Variants in CORIN observed in about 807,000 individuals in gnomAD.
CORIN encodes the protein atrial natriuretic peptide-converting enzyme.
In CORIN, 117 loss-of-function variants were observed where a neutral mutation model predicts 125.3. The observed-to-expected ratio is 0.93, with a 90% CI of 0.80 to 1.09. The LOEUF (loss-of-function observed/expected upper bound fraction) is 1.09. Among genes scored for constraint, CORIN ranks in the 50% least tolerant of loss-of-function variants. The pLI, the probability that CORIN is intolerant of heterozygous loss-of-function variation, is 0.00. For synonymous variants in CORIN, 450 were observed against 466.4 expected, an observed-to-expected ratio of 0.96 and a Z score of 0.45; for missense variants, 1,253 against 1,306.7, an observed-to-expected ratio of 0.96 and a Z score of 0.63.
chr4:47,622,119 G>A (rs1285111821), intron 19 of CORIN, among the ~76,000 whole-genome samples: 39 of 146,836 alleles, frequency 2.7e-4, no homozygotes, highest in Non-Finnish European at 5.1e-4. Flanking sequence ...TTGTTCTTGC[G>A]ATAGTTTACT....
At chr4:47,786,123 A>G (rs1366502825) in intron 3 of CORIN, among the ~76,000 whole-genome samples, 1 of 152,194 alleles carries the variant, frequency 6.6e-6, no homozygotes, top group East Asian at 1.9e-4. Flanking sequence ...CAATGCCACT[A>G]TACTGGGGCA....
At chr4:47,655,666 A>G (rs1723941195) in intron 12 of CORIN, among the ~76,000 whole-genome samples, 2 of 152,234 alleles carry the variant, frequency 1.3e-5, no homozygotes, top group South Asian at 4.1e-4. Context: ...TACTGCAGAA[A>G]TTCAAAGGAT....
intron 3 of CORIN, among the ~76,000 whole-genome samples, chr4:47,783,837 C>T (rs1348829185): frequency 6.6e-6 from 1 of 151,964 alleles, no homozygotes; most frequent in Non-Finnish European, 1.5e-5. Flanking sequence ...ATTCATTCAG[C>T]TAATATTTTA....
intron 5 of CORIN, among the ~76,000 whole-genome samples, chr4:47,694,634 G>C (rs1378637410): frequency 2.0e-5 from 3 of 152,092 alleles, no homozygotes; most frequent in Non-Finnish European, 2.9e-5. Context: ...ATAGAGAAAA[G>C]TACAGGCTGA....
At position 47,714,310 on chromosome 4, in the gene CORIN, G is replaced by A. The variant is rs17654393; in HGVS notation, c.800-21227C>T. Among the ~76,000 whole-genome samples the A allele has an allele frequency of 1.1e-4, 17 of 152,030 alleles. No individual in the cohort carries two copies. The East Asian group carries it at 1.2e-3, about 10-fold the overall frequency. ...TACTCACAAGTGATTAACACAAACC[G>A]AAAATTTAATCTGTAAGAAAAAAAA... On this transcript the variant is annotated intron_variant, in intron 5 of 21. Coordinates refer to ENST00000273857, the MANE Select transcript of CORIN (RefSeq NM_006587.4).
intron 15 of CORIN, chr4:47,642,692 G>A (rs1723283618): frequency 1.8e-6 from 1 of 554,420 alleles, no homozygotes; most frequent in South Asian, 3.0e-5. Flanking sequence ...TGGAGGTGCT[G>A]GTAGGAGATG....
intron 16 of CORIN, among the ~76,000 whole-genome samples, chr4:47,633,643 CT>C (rs1029809855): frequency 6.6e-6 from 1 of 151,866 alleles, no homozygotes; most frequent in South Asian, 2.1e-4. Flanking sequence ...TGGGACAACA[CT>C]TTTTTTTGAG....
intron 3 of CORIN, among the ~76,000 whole-genome samples, chr4:47,766,221 G>A (rs971674066): frequency 6.6e-6 from 1 of 152,158 alleles, no homozygotes; most frequent in Non-Finnish European, 1.5e-5. Flanking sequence ...ATATAACATT[G>A]CTTTAAGCAG....
intron 6 of CORIN, among the ~76,000 whole-genome samples, chr4:47,689,888 A>G (rs1725692156): frequency 6.6e-6 from 1 of 152,198 alleles, no homozygotes; most frequent in Admixed American, 6.5e-5. Flanking sequence ...GCCAGCATGC[A>G]GCCATCCATG....
chr4:47,690,500 AAT>A (rs1183828625), intron 6 of CORIN, among the ~76,000 whole-genome samples: 1 of 152,204 alleles, frequency 6.6e-6, no homozygotes. Context: ...AAAGGAAATT[AAT>A]AACTCAATGA....
At chr4:47,609,992 T>C (rs1385545992) in intron 19 of CORIN, among the ~76,000 whole-genome samples, 2 of 152,254 alleles carry the variant, frequency 1.3e-5, no homozygotes, top group African/African-American at 2.4e-5. Flanking sequence ...ATTTTCTTTA[T>C]CCAGTCTATC....
chr4:47,750,059 A>G (rs999762700), intron 4 of CORIN, among the ~76,000 whole-genome samples: 2 of 152,236 alleles, frequency 1.3e-5, no homozygotes, highest in Admixed American at 6.5e-5. Flanking sequence ...AGCAACAGAT[A>G]ACACAGGAAC....
At chr4:47,616,452 G>A (rs1293158875) in intron 19 of CORIN, among the ~76,000 whole-genome samples, 1 of 152,178 alleles carries the variant, frequency 6.6e-6, no homozygotes, top group African/African-American at 2.4e-5. Flanking sequence ...GCCTAAAAAT[G>A]AGCTGAAAAA....
chr4:47,624,187 C>CT (rs1469649746), intron 17 of CORIN, among the ~76,000 whole-genome samples: 1 of 152,078 alleles, frequency 6.6e-6, no homozygotes, highest in Non-Finnish European at 1.5e-5. Flanking sequence ...ATATATACTT[C>CT]TTTTTTTAGT....
intron 10 of CORIN, among the ~76,000 whole-genome samples, chr4:47,671,286 T>C (rs1471744871): frequency 6.6e-6 from 1 of 152,204 alleles, no homozygotes; most frequent in Non-Finnish European, 1.5e-5. Flanking sequence ...AGAGGCTGTC[T>C]CCACCAGACA....
At chr4:47,713,050 G>A (rs563976052) in intron 5 of CORIN, among the ~76,000 whole-genome samples, 4 of 152,180 alleles carry the variant, frequency 2.6e-5, no homozygotes, top group East Asian at 3.9e-4. Context: ...TAAAAACTGA[G>A]AGGAAAAATG....
At chr4:47,613,534 A>G (rs1721949814) in intron 19 of CORIN, among the ~76,000 whole-genome samples, 1 of 152,124 alleles carries the variant, frequency 6.6e-6, no homozygotes, top group Non-Finnish European at 1.5e-5. Context: ...CATTATTCAC[A>G]ATAGCAAAGA....
At chr4:47,667,498 A>G (rs1198528277) in intron 10 of CORIN, among the ~76,000 whole-genome samples, 3 of 152,214 alleles carry the variant, frequency 2.0e-5, no homozygotes. Flanking sequence ...GAGAGTGATT[A>G]TTCAAATTAA....
intron 5 of CORIN, among the ~76,000 whole-genome samples, chr4:47,729,845 A>G (rs995544389): frequency 1.3e-5 from 2 of 152,148 alleles, no homozygotes; most frequent in African/African-American, 4.8e-5. Context: ...AAAACGGAAT[A>G]ACTTGGCAGA....
Sources: gnomAD v4.1 joint callset for allele counts (sites outside exome capture counted in the v4.1 genomes callset) on GRCh38, gnomAD v4.1.1 for gene constraint, MANE v1.5 for transcripts, NCBI Gene and HGNC (gene_info 2026-07-23, HGNC 2026-07-21) for gene names.